CACNA2D1: variants seen among roughly 807,000 people sequenced by gnomAD.
CACNA2D1 encodes calcium voltage-gated channel auxiliary subunit alpha2delta 1, also known as voltage-dependent calcium channel subunit alpha-2/delta-1.
Under a neutral mutation model 171.5 loss-of-function variants are expected in CACNA2D1, and 53 were observed. The ratio of observed to expected loss-of-function variants is 0.31; its 90% confidence interval spans 0.25 to 0.39. The LOEUF (loss-of-function observed/expected upper bound fraction) is 0.39. Ranked by LOEUF, CACNA2D1 falls within the 10% of genes least tolerant of loss-of-function variation. CACNA2D1 has a pLI of 1.00. For synonymous variants in CACNA2D1, 442 were observed against 443.1 expected (o/e 1.00, Z 0.03); for missense variants, 903 against 1,299.8 (o/e 0.69, Z 4.69).
intron 1 of CACNA2D1, among the ~76,000 whole-genome samples, chr7:82,379,036 T>C (rs568242428): frequency 2.6e-5 from 4 of 152,064 alleles, no homozygotes; most frequent in Non-Finnish European, 5.9e-5. Context: ...CTCTGTATTA[T>C]AGATTTTAAA....
chr7:82,016,406 T>C (rs113274629), intron 12 of CACNA2D1, among the ~76,000 whole-genome samples: 2,308 of 152,270 alleles, frequency 0.015, 70 homozygotes, highest in African/African-American at 0.053. Flanking sequence ...TAGAAGTTCC[T>C]GTTACCACAA....
At chr7:81,951,969 G>GTTTTTTTTTTTTTTTTTTGTTT (rs1792586080) in intron 38 of CACNA2D1, among the ~76,000 whole-genome samples, 2 of 71,916 alleles carry the variant, frequency 2.8e-5, no homozygotes, top group African/African-American at 6.1e-5. Flanking sequence ...TGTACAAAGT[G>GTTTTTTTTTTTTTTTTTTGTTT]TTTTTTTTTT....
At chr7:82,102,630 G>GT (rs1812813648) in intron 6 of CACNA2D1, among the ~76,000 whole-genome samples, 1 of 152,130 alleles carries the variant, frequency 6.6e-6, no homozygotes, top group South Asian at 2.1e-4. Context: ...GCAGTCTGCA[G>GT]TATGTTTTCA....
chr7:82,080,384 T>C (rs1809600592), intron 7 of CACNA2D1, among the ~76,000 whole-genome samples: 1 of 152,144 alleles, frequency 6.6e-6, no homozygotes, highest in Non-Finnish European at 1.5e-5. Context: ...ATGAAAATTA[T>C]AAAATTCTAT....
At chr7:81,995,739 C>A (rs1285461916) in intron 19 of CACNA2D1, among the ~76,000 whole-genome samples, 1 of 146,192 alleles carries the variant, frequency 6.8e-6, no homozygotes, top group African/African-American at 2.6e-5. Flanking sequence ...GTGGAGGTTG[C>A]AGTGAGCTGA....
intron 1 of CACNA2D1, among the ~76,000 whole-genome samples, chr7:82,439,166 C>G (rs1343236391): frequency 6.6e-6 from 1 of 151,926 alleles, no homozygotes; most frequent in Non-Finnish European, 1.5e-5. Context: ...TAATGATACT[C>G]CAGAGAATAT....
At chr7:82,320,942 T>TTTATATATATATAAAGCCAC (rs1554510292) in intron 3 of CACNA2D1, among the ~76,000 whole-genome samples, 1 of 152,096 alleles carries the variant, frequency 6.6e-6, no homozygotes, top group African/African-American at 2.4e-5. Context: ...TATAAAGCCA[T>TTTATATATATATAAAGCCAC]TTATATATAT....
chr7:82,396,967 G>A (rs1480834022), intron 1 of CACNA2D1, among the ~76,000 whole-genome samples: 3 of 152,090 alleles, frequency 2.0e-5, no homozygotes, highest in South Asian at 2.1e-4. Context: ...ACCAATTTCT[G>A]ACACTGTGAA....
chr7:82,068,721 T>C (rs1026477452), intron 7 of CACNA2D1, among the ~76,000 whole-genome samples: 1 of 152,022 alleles, frequency 6.6e-6, no homozygotes, highest in Non-Finnish European at 1.5e-5. Flanking sequence ...GAGTTAAAAG[T>C]GGTCTGCAAC....
chr7:82,010,385 T>C (rs1799639060), intron 15 of CACNA2D1, among the ~76,000 whole-genome samples: 1 of 152,030 alleles, frequency 6.6e-6, no homozygotes, highest in African/African-American at 2.4e-5. Context: ...CTTTTTTTTT[T>C]TTTTTTACAT....
chr7:82,307,120 A>C (rs946061954), intron 3 of CACNA2D1, among the ~76,000 whole-genome samples: 5 of 152,124 alleles, frequency 3.3e-5, no homozygotes, highest in African/African-American at 1.2e-4. Context: ...AAATTCCTTA[A>C]CTTAGGAGAA....
chr7:82,179,790 TATG>T (rs753356512), intron 3 of CACNA2D1, among the ~76,000 whole-genome samples: 4 of 152,084 alleles, frequency 2.6e-5, no homozygotes, highest in African/African-American at 4.8e-5. Context: ...AAGGGGTAAG[TATG>T]ATATGTGCTT....
intron 7 of CACNA2D1, among the ~76,000 whole-genome samples, chr7:82,067,382 A>G (rs1396248658): frequency 1.3e-5 from 2 of 152,176 alleles, no homozygotes; most frequent in Non-Finnish European, 2.9e-5. Context: ...TACGTTCCCC[A>G]ATCAATTTCG....
chr7:81,960,524 C>A (rs1225682416), intron 36 of CACNA2D1, among the ~76,000 whole-genome samples: 3 of 151,944 alleles, frequency 2.0e-5, no homozygotes, highest in Non-Finnish European at 4.4e-5. Context: ...TTAAGCTGCT[C>A]TTACTTTAGT....
intron 38 of CACNA2D1, among the ~76,000 whole-genome samples, chr7:81,953,710 C>A (rs1792875478): frequency 6.6e-6 from 1 of 152,020 alleles, no homozygotes; most frequent in Non-Finnish European, 1.5e-5. Flanking sequence ...TTAAAGAAGT[C>A]ATTGTCACTT....
intron 1 of CACNA2D1, among the ~76,000 whole-genome samples, chr7:82,400,974 G>A (rs28759769): frequency 0.037 from 5,605 of 151,874 alleles, 301 homozygotes; most frequent in African/African-American, 0.12. Flanking sequence ...ATCACTGGCC[G>A]TCAGAGAAAT....
intron 3 of CACNA2D1, among the ~76,000 whole-genome samples, chr7:82,279,185 A>C (rs76591375): frequency 6.6e-6 from 1 of 152,222 alleles, no homozygotes; most frequent in Non-Finnish European, 1.5e-5. Context: ...TATGACTAAT[A>C]GGTTCAGAGG....
At chr7:82,053,405 TA>T (rs1489409819) in intron 10 of CACNA2D1, among the ~76,000 whole-genome samples, 1 of 118,136 alleles carries the variant, frequency 8.5e-6, no homozygotes, top group African/African-American at 3.9e-5. Flanking sequence ...TGTAATCACT[TA>T]AAATTATTTA....
intron 1 of CACNA2D1, among the ~76,000 whole-genome samples, chr7:82,399,690 AC>A (rs1204470206): frequency 8.0e-5 from 4 of 50,102 alleles, no homozygotes; most frequent in African/African-American, 1.5e-4. Context: ...CCCACTCCCC[AC>A]CCCCCCAGCC....
Sources: gnomAD v4.1 joint callset for allele counts (sites outside exome capture counted in the v4.1 genomes callset) on GRCh38, gnomAD v4.1.1 for gene constraint, MANE v1.5 for transcripts, NCBI Gene and HGNC (gene_info 2026-07-23, HGNC 2026-07-21) for gene names.